PSMD8: variants seen among roughly 807,000 people sequenced by gnomAD.
PSMD8 encodes the protein proteasome 26S subunit, non-ATPase 8.
PSMD8 carries 30 observed loss-of-function variants against 40.0 expected under a neutral mutation model. The ratio of observed to expected loss-of-function variants is 0.75; its 90% CI spans 0.56 to 1.02. The LOEUF (loss-of-function observed/expected upper bound fraction) is 1.02. PSMD8 is among the 50% of genes least tolerant of loss of function. PSMD8 has a pLI of 0.00. For synonymous variants in PSMD8, 208 were observed against 192.5 expected (o/e 1.08, Z -0.67); for missense variants, 461 against 463.9 (o/e 0.99, Z 0.06).
chr19:38,380,723 T>TGTGTGTGCGCGC (rs1555743511), intron 4 of PSMD8, among the ~76,000 whole-genome samples, 176 bp from the exon 5 acceptor site: 4 of 143,894 alleles, frequency 2.8e-5, no homozygotes, highest in African/African-American at 1.0e-4. Flanking sequence ...TGTGTGTGTG[T>TGTGTGTGCGCGC]GTGTGTGCGC....
At chr19:38,382,726 G>T in intron 6 of PSMD8, 1 of 197,378 alleles carries the variant, frequency 5.1e-6, no homozygotes. Context: ...GGTCAACATG[G>T]TGAAACCTCA....
At chr19:38,382,285 AGT>A in intron 6 of PSMD8, 57 bp downstream of exon 6, 1 of 1,376,486 alleles carries the variant, frequency 7.3e-7, no homozygotes, top group South Asian at 1.2e-5. Flanking sequence ...CACTAACAAC[AGT>A]GTGGGGTGGC....
chr19:38,383,198 G>A lies in PSMD8; in HGVS notation c.916-55G>A. 3 of 1,607,410 alleles carry A rather than the reference G, an allele frequency of 1.9e-6. No homozygotes were observed. The East Asian group carries it at 6.7e-5, about 36-fold the overall frequency. On this transcript the variant is annotated intron_variant, in intron 6 of 6. Coordinates refer to ENST00000215071, the MANE Select transcript of PSMD8 (RefSeq NM_002812.5). ...TGGGCAAGTGCTGGCCCCATAGGGT[G>A]GGGATGGAGCCTTTGTGATCACTCT...
At position 38,377,277 on chromosome 19, in the gene PSMD8, CT is replaced by C. The variant is rs57951920; in HGVS notation, c.536+824del. 8.6e-3 allele frequency among the ~76,000 whole-genome samples: 1,303 copies of C among 151,924 alleles called. 20 individuals carry two copies. The highest frequency in any genetic ancestry group is 0.029 in the African/African-American group (1,216 of 41,408). The stretch of plus-strand genomic sequence containing the variant: ...AGTCATGGCTCACCACAGCCTTGAC[CT>C]CCTGGGCTCAAGCGGTACTCCTACC... On this transcript the variant is annotated intron_variant, in intron 3 of 6. Transcript: ENST00000215071.
At chr19:38,379,015 C>T (rs1050524587) in intron 3 of PSMD8, among the ~76,000 whole-genome samples, 1 of 152,206 alleles carries the variant, frequency 6.6e-6, no homozygotes, top group Non-Finnish European at 1.5e-5. Context: ...CCGAGGTTGT[C>T]ATTTCACTGA....
chr19:38,376,653 C>T (rs1356227486), intron 3 of PSMD8, among the ~76,000 whole-genome samples, 199 bp downstream of exon 3: 1 of 152,162 alleles, frequency 6.6e-6, no homozygotes, highest in Non-Finnish European at 1.5e-5. Context: ...CTACCCATTC[C>T]CACATTGCAC....
chr19:38,383,367 C>G lies in PSMD8; in HGVS notation c.1030C>G (p.Arg344Gly). 6.2e-7 allele frequency: 1 copy of G among 1,613,914 alleles called. No individual in the cohort carries two copies. Among genetic ancestry groups the G allele is most frequent in the Non-Finnish European group, 8.5e-7 (1 of 1,179,884 alleles). The change falls in exon 7 of 7, where the codon CGG becomes GGG. Residue 344 changes from arginine (R) to glycine (G), a missense_variant. Arg to Gly is a moderately radical substitution (Grantham distance 125). This residue lies in a region of PSMD8 where 236 missense variants were observed against 321.2 expected (regional missense o/e 0.73). Transcript: ENST00000215071. ...GGCCAAACAGGTCATCGAGTATGCC[C>G]GGCAGCTGGAGATGATCGTCTGAGC... ...ELAKQVIEYA[R>G]QLEMIV is the part of the protein sequence containing the mutation.
Position 38,374,806 on chromosome 19 carries a change from G to T in PSMD8, c.205G>T (p.Val69Leu). 1.9e-6 allele frequency: 3 copies of T among 1,573,210 alleles called. No individual in the cohort carries two copies. Among genetic ancestry groups the T allele is most frequent in the Non-Finnish European group, 2.6e-6 (3 of 1,165,920 alleles). The part of the protein sequence containing the change: ...AASRKMAAAA[V>L]NGAAGFSSSG... ...ATCACGCAAGATGGCGGCCGCGGCGGTGAACGGGGCGGCAGGCTTCTCGAG... is the reference window on the plus strand; with the variant it reads ...ATCACGCAAGATGGCGGCCGCGGCGTTGAACGGGGCGGCAGGCTTCTCGAG... Residue 69 changes from valine (V) to leucine (L), a missense_variant, in exon 1 of 7, where the codon GTG (valine) becomes TTG (leucine). Around this residue, in one of 2 missense-constraint regions of PSMD8, gnomAD observed 225 missense variants for 142.7 expected, o/e 1.58. Transcript: ENST00000215071.
At chr19:38,382,523 T>C (rs1286833084) in intron 6 of PSMD8, 1 of 563,876 alleles carries the variant, frequency 1.8e-6, no homozygotes, top group East Asian at 2.9e-5. Context: ...AAGACTTTGC[T>C]TCATTTGGTC....
At chr19:38,381,576 G>A (rs972602975) in intron 5 of PSMD8, among the ~76,000 whole-genome samples, 3 of 152,188 alleles carry the variant, frequency 2.0e-5, no homozygotes, top group South Asian at 2.1e-4. Context: ...AGAGGCATTC[G>A]AGTGAGGAGT....
At chr19:38,381,564 C>G (rs939225317) in intron 5 of PSMD8, among the ~76,000 whole-genome samples, 2 of 152,158 alleles carry the variant, frequency 1.3e-5, no homozygotes, top group Non-Finnish European at 1.5e-5. Context: ...AAAGGCAAGC[C>G]CAGAGGCATT....
At chr19:38,377,250 G>A (rs1970605428) in intron 3 of PSMD8, among the ~76,000 whole-genome samples, 1 of 151,856 alleles carries the variant, frequency 6.6e-6, no homozygotes, top group Admixed American at 6.6e-5. Context: ...GTGCAGTGGT[G>A]CAGTCATGGC....
chr19:38,375,267 ACT>A (rs892366166), intron 1 of PSMD8: 5 of 363,898 alleles, frequency 1.4e-5, no homozygotes, highest in Non-Finnish European at 2.5e-5. Flanking sequence ...ACATAGCGAG[ACT>A]CTGTCTCTAC....
At position 38,382,159 on chromosome 19, in the gene PSMD8, C is replaced by T. The variant is rs1242872307; in HGVS notation, c.846C>T (p.Ile282=). The change falls in exon 6 of 7, where the codon ATC becomes ATT. Residue 282 remains isoleucine (I), a synonymous_variant. Transcript: ENST00000215071. ...AGCIEKAYEK[I]LFTEATRILF... is the part of the protein sequence containing the mutation. ...GCATCGAGAAGGCCTACGAGAAAAT[C>T]CTTTTCACTGAGGCCACCCGGATCC... is the stretch of plus-strand genomic sequence containing the variant. 6.3e-7 allele frequency: 1 copy of T among 1,591,878 alleles called. No homozygotes were observed. The highest frequency in any genetic ancestry group is 8.5e-7 in the Non-Finnish European group (1 of 1,169,780).
At chr19:38,377,566 G>C (rs75876542) in intron 3 of PSMD8, among the ~76,000 whole-genome samples, 2 of 151,740 alleles carry the variant, frequency 1.3e-5, no homozygotes, top group East Asian at 3.9e-4. Context: ...GTGCAATCTC[G>C]GCTCACCACA....
rs1186527672 is a variant in PSMD8 at position 38,380,918 on chromosome 19, A to G, written c.722A>G (p.Tyr241Cys). 1 of 1,579,170 alleles carries G rather than the reference A, an allele frequency of 6.3e-7. No homozygotes were observed. Among genetic ancestry groups the G allele is most frequent in the South Asian group, 1.2e-5 (1 of 86,572 alleles). ...SLEQYLMEGS[Y>C]NKVFLAKGNI... ...CTGCAGTACCTGATGGAGGGCAGCTACAACAAAGTGTTCCTGGCCAAGGGT... is the reference window on the plus strand; with the variant it reads ...CTGCAGTACCTGATGGAGGGCAGCTGCAACAAAGTGTTCCTGGCCAAGGGT... The change falls in exon 5 of 7, where the codon TAC becomes TGC. Residue 241 changes from tyrosine (Y) to cysteine (C), a missense_variant. Tyr to Cys is a radical substitution (Grantham distance 194). Transcript: ENST00000215071.
At chr19:38,376,947 G>A (rs1970602922) in intron 3 of PSMD8, among the ~76,000 whole-genome samples, 1 of 152,196 alleles carries the variant, frequency 6.6e-6, no homozygotes, top group Admixed American at 6.5e-5. Flanking sequence ...GGCAGAGCTT[G>A]GAACTGTCTC....
intron 1 of PSMD8, among the ~76,000 whole-genome samples, chr19:38,375,855 A>G (rs2145125455): frequency 6.6e-6 from 1 of 152,320 alleles, no homozygotes; most frequent in Admixed American, 6.5e-5. Flanking sequence ...ATTGTGGGGA[A>G]GATGGGCCAA....
At position 38,374,660 on chromosome 19, in the gene PSMD8, G is replaced by C. The variant is rs888145013; in HGVS notation, c.59G>C (p.Arg20Pro). The C allele has an allele frequency of 7.2e-6, 11 of 1,521,132 alleles. No homozygotes were observed. Among genetic ancestry groups the C allele is most frequent in the South Asian group, 1.2e-5 (1 of 81,170 alleles). The allele number at this position is 1,521,132 out of a possible 1,614,324, so 94.2% of individuals were successfully genotyped here. A position where few individuals can be genotyped will look rare whatever the true frequency, so the allele number is the denominator to read the frequency against. ...APPRERRRAT[R>P]GGLRQVVAPP... ...CCTCGAGAGCGACGGCGGGCTACCCGGGGCGGGCTGAGGCAGGTTGTAGCC... is the reference window on the plus strand; with the variant it reads ...CCTCGAGAGCGACGGCGGGCTACCCCGGGCGGGCTGAGGCAGGTTGTAGCC... The change falls in exon 1 of 7, where the codon CGG becomes CCG. Residue 20 changes from arginine (R) to proline (P), a missense_variant. By Grantham distance (103) the Arg-to-Pro change is moderately radical. Transcript: ENST00000215071.
Sources: allele counts gnomAD v4.1 joint callset (sites outside exome capture counted in the v4.1 genomes callset), GRCh38; gene constraint gnomAD v4.1.1; regional missense constraint gnomAD v4.1.1; transcripts MANE v1.5; gene names NCBI Gene and HGNC (gene_info 2026-07-23, HGNC 2026-07-21).